EBPL: variants seen among roughly 807,000 people sequenced by gnomAD.
EBPL encodes the protein EBP like, also known as emopamil-binding protein-like.
In EBPL, 20 loss-of-function variants were observed where a neutral mutation model predicts 19.0. The ratio of observed to expected loss-of-function variants is 1.05; its 90% CI spans 0.74 to 1.53. The LOEUF is 1.53. Ranked by LOEUF, EBPL falls within the 40% of genes most tolerant of loss-of-function variation. The pLI, the probability that EBPL is intolerant of heterozygous loss-of-function variation, is 0.00. For missense variants in EBPL, 219 were observed against 261.1 expected (o/e 0.84, Z 1.11); for synonymous variants, 107 against 117.0 (o/e 0.91, Z 0.55).
At position 49,688,718 on chromosome 13, in the gene EBPL, C is replaced by CAAA. The variant is rs56059575; in HGVS notation, c.171+2533_171+2535dup. Among the ~76,000 whole-genome samples the CAAA allele has an allele frequency of 3.5e-3, 334 of 95,246 alleles. 9 individuals carry two copies. Among genetic ancestry groups the CAAA allele is most frequent in the African/African-American group, 0.012 (303 of 24,974 alleles). 62.5% of individuals were successfully genotyped at this position (95,246 alleles called of 152,430 possible). On this transcript the variant is annotated intron_variant, in intron 1 of 3. Transcript: ENST00000242827. ...TGGGTAATAGAGCGAGACTCCGTCT[C>CAAA]AAAAAAAAAAAAAAAAAAAAAGAAG...
chr13:49,681,767 C>A (rs1276853228), intron 1 of EBPL, among the ~76,000 whole-genome samples: 1 of 152,060 alleles, frequency 6.6e-6, no homozygotes, highest in Non-Finnish European at 1.5e-5. Context: ...CAGAAAAAGT[C>A]CTTAAAGAAA....
intron 3 of EBPL, chr13:49,661,631 G>A (rs1965150064): frequency 7.9e-6 from 5 of 629,952 alleles, no homozygotes; most frequent in Admixed American, 1.3e-4. Flanking sequence ...AGGGCCAAGC[G>A]ATGGGCAAGT....
chr13:49,676,601 A>AAAATAAAT (rs3990329), intron 1 of EBPL, among the ~76,000 whole-genome samples: 7 of 148,834 alleles, frequency 4.7e-5, no homozygotes, highest in South Asian at 2.1e-4. Flanking sequence ...CAAAAAAAAT[A>AAAATAAAT]AAATAAATAA....
chr13:49,667,796 CTTT>C (rs1246296547), intron 2 of EBPL, among the ~76,000 whole-genome samples: 1 of 152,206 alleles, frequency 6.6e-6, no homozygotes, highest in African/African-American at 2.4e-5. Context: ...GTTTTCACTT[CTTT>C]AAGGTGCATA....
Position 49,662,958 on chromosome 13 carries a change from A to G in EBPL, c.380+99T>C, listed in dbSNP as rs1187355285. Reference sequence around the variant, plus strand: ...GCCTCTATTCTTCCACCTTTTATCTAACAAATATATGTGGTCACAACCTAC... The same window carrying G: ...GCCTCTATTCTTCCACCTTTTATCTGACAAATATATGTGGTCACAACCTAC... On this transcript the variant is annotated intron_variant, in intron 3 of 3. Transcript: ENST00000242827. 3 of 1,469,024 alleles carry G rather than the reference A, an allele frequency of 2.0e-6. No homozygotes were observed. The African/African-American group carries it at 4.2e-5, about 21-fold the overall frequency. 91.0% of individuals were successfully genotyped at this position (1,469,024 alleles called of 1,614,324 possible).
At chr13:49,665,281 T>G (rs1010225205) in intron 2 of EBPL, among the ~76,000 whole-genome samples, 1 of 152,108 alleles carries the variant, frequency 6.6e-6, no homozygotes, top group African/African-American at 2.4e-5. Flanking sequence ...CAGCTAATAC[T>G]GACTGACTGA....
chr13:49,678,621 G>C (rs1050389897), intron 1 of EBPL, among the ~76,000 whole-genome samples: 1 of 152,022 alleles, frequency 6.6e-6, no homozygotes, highest in Non-Finnish European at 1.5e-5. Context: ...AACTCTGCCC[G>C]GGAGCGCCGT....
chr13:49,677,901 T>C (rs991821506), intron 1 of EBPL, among the ~76,000 whole-genome samples: 1 of 152,198 alleles, frequency 6.6e-6, no homozygotes, highest in Non-Finnish European at 1.5e-5. Context: ...CTCACTGGCC[T>C]CAGGAGTGAA....
intron 1 of EBPL, among the ~76,000 whole-genome samples, chr13:49,675,393 T>C (rs1239054248): frequency 1.3e-5 from 2 of 152,250 alleles, no homozygotes; most frequent in East Asian, 3.8e-4. Context: ...GGGACAACCA[T>C]GGTATATTCA....
In EBPL at chr13:49,661,922, C is replaced by A. The variant is rs1376790327; in HGVS notation, c.381-714G>T. 3.2e-6 allele frequency: 5 copies of A among 1,550,368 alleles called. No individual in the cohort carries two copies. The African/African-American group carries it at 6.8e-5, about 21-fold the overall frequency. Reference sequence around the variant, plus strand: ...AGCAATCTATTCACCCCAGGCCACTCTGTCCCTAAGGAAAGAAAAGGAAGG... The same window carrying A: ...AGCAATCTATTCACCCCAGGCCACTATGTCCCTAAGGAAAGAAAAGGAAGG... On this transcript the variant is annotated intron_variant, in intron 3 of 3. Transcript: ENST00000242827.
rs562582788 is a variant in EBPL, at chr13:49,660,828, A to G, written c.*140T>C. The G allele has an allele frequency of 8.4e-4, 620 of 738,922 alleles. 4 individuals are homozygous for G. Among genetic ancestry groups the G allele is most frequent in the Admixed American group, 4.5e-3 (148 of 32,550 alleles). The allele number at this position is 738,922 out of a possible 1,614,324, so 45.8% of individuals were successfully genotyped here. A position where few individuals can be genotyped will look rare whatever the true frequency, so the allele number is the denominator to read the frequency against. The stretch of plus-strand genomic sequence containing the variant: ...TACAACGAAAACTGGTCGCCTTAAA[A>G]CCAATTTGAAACAGGTTGTTCAGGA... On this transcript the variant is annotated 3_prime_UTR_variant, in exon 4 of 4. Coordinates refer to ENST00000242827, the MANE Select transcript of EBPL (RefSeq NM_032565.5).
At chr13:49,675,910 G>A (rs1192657955) in intron 1 of EBPL, among the ~76,000 whole-genome samples, 5 of 150,924 alleles carry the variant, frequency 3.3e-5, no homozygotes, top group East Asian at 2.0e-4. Flanking sequence ...TCATCCTAAC[G>A]GGTGTGAAGG....
chr13:49,666,711 C>CA (rs35086927), intron 2 of EBPL, among the ~76,000 whole-genome samples: 16,591 of 80,346 alleles, frequency 0.21, 2,396 homozygotes, highest in Non-Finnish European at 0.26. Context: ...GACTCCGTCT[C>CA]AAAAAAAAAA....
rs775861935 is a variant in EBPL at position 49,663,182 on chromosome 13, G to A, written c.255C>T (p.Gly85=). ...GLIASLWKEY[G]KADARWVYFD... ...AATAAACCCATCTTGCATCAGCTTT[G>A]CCATATTCTTTCCCTAAAGACAAAA... The change falls in exon 3 of 4, where the codon GGC becomes GGT. Residue 85 remains glycine, a synonymous_variant. Coordinates refer to ENST00000242827, the MANE Select transcript of EBPL (RefSeq NM_032565.5). 8 of 1,614,048 alleles carry A rather than the reference G, an allele frequency of 5.0e-6. No homozygotes were observed. The South Asian group carries it at 8.8e-5, about 18-fold the overall frequency.
chr13:49,667,747 G>A (rs1232911638), intron 2 of EBPL, among the ~76,000 whole-genome samples: 1 of 152,212 alleles, frequency 6.6e-6, no homozygotes, highest in Non-Finnish European at 1.5e-5. Context: ...AGCCTCCCAA[G>A]TAGCTGGGGC....
intron 1 of EBPL, among the ~76,000 whole-genome samples, chr13:49,691,012 T>C (rs1954057040): frequency 6.6e-6 from 1 of 152,198 alleles, no homozygotes; most frequent in Non-Finnish European, 1.5e-5. Context: ...ACGTACAGAA[T>C]TTTTTTAAAG....
intron 1 of EBPL, among the ~76,000 whole-genome samples, chr13:49,689,578 A>C (rs1594419905): frequency 6.6e-6 from 1 of 151,862 alleles, no homozygotes; most frequent in Non-Finnish European, 1.5e-5. Flanking sequence ...TGAACTCCTG[A>C]CCTCGTGATC....
intron 1 of EBPL, among the ~76,000 whole-genome samples, chr13:49,684,600 A>G (rs1387235507): frequency 1.3e-5 from 2 of 152,314 alleles, no homozygotes; most frequent in East Asian, 3.9e-4. Context: ...GCTTGAACCC[A>G]GGAGGCAGAG....
chr13:49,671,586 G>A (rs1209620525), intron 1 of EBPL, among the ~76,000 whole-genome samples: 3 of 152,204 alleles, frequency 2.0e-5, no homozygotes, highest in Non-Finnish European at 2.9e-5. Flanking sequence ...GCCATAGGGT[G>A]AAATCCATAC....
Sources: allele counts gnomAD v4.1 joint callset (sites outside exome capture counted in the v4.1 genomes callset), GRCh38; gene constraint gnomAD v4.1.1; transcripts MANE v1.5; gene names NCBI Gene and HGNC (gene_info 2026-07-23, HGNC 2026-07-21).